Variants in PRKCE observed in about 807,000 individuals in gnomAD.
PRKCE encodes protein kinase C epsilon, also known as protein kinase C epsilon type.
In PRKCE, 16 loss-of-function variants were observed where a neutral mutation model predicts 85.4. The ratio of observed to expected loss-of-function variants is 0.19; its 90% CI spans 0.13 to 0.28. The LOEUF (loss-of-function observed/expected upper bound fraction) is 0.28, where lower values mean the gene tolerates loss of function less well. PRKCE is among the 10% of genes least tolerant of loss of function. The pLI, the probability that PRKCE is intolerant of heterozygous loss-of-function variation, is 1.00. For missense variants in PRKCE, 573 were observed against 975.2 expected (o/e 0.59, Z 5.49); for synonymous variants, 388 against 371.5 (o/e 1.04, Z -0.51).
At chr2:45,980,165 G>T (rs998279440) in intron 4 of PRKCE, 131 bp from the exon 5 acceptor site, 23 of 702,774 alleles carry the variant, frequency 3.3e-5, no homozygotes, top group South Asian at 1.3e-4. Context: ...TTTAGGGAGG[G>T]TATTAAATTA....
intron 2 of PRKCE, among the ~76,000 whole-genome samples, chr2:45,951,258 T>C (rs781083526): frequency 1.3e-5 from 2 of 152,176 alleles, no homozygotes; most frequent in Admixed American, 6.5e-5. Flanking sequence ...GTAGCCCAGA[T>C]TGGGAACCAC....
At chr2:46,099,664 A>G (rs59015766) in intron 11 of PRKCE, among the ~76,000 whole-genome samples, 3,406 of 152,006 alleles carry the variant, frequency 0.022, 141 homozygotes, top group African/African-American at 0.078. Context: ...CATTGCAACT[A>G]TTTCTTGGTT....
At chr2:46,006,205 G>A (rs1705184723) in intron 8 of PRKCE, among the ~76,000 whole-genome samples, 1 of 152,198 alleles carries the variant, frequency 6.6e-6, no homozygotes, top group Non-Finnish European at 1.5e-5. Flanking sequence ...TTCTTCCCTT[G>A]TAAAGACACA....
intron 1 of PRKCE, among the ~76,000 whole-genome samples, chr2:45,694,996 G>A (rs771634870): frequency 7.6e-4 from 116 of 152,158 alleles, no homozygotes; most frequent in Non-Finnish European, 8.8e-4. Flanking sequence ...GCTATAAAGA[G>A]CCAACTGCCT....
chr2:45,926,423 C>T (rs1003551096), intron 2 of PRKCE, among the ~76,000 whole-genome samples: 1 of 152,160 alleles, frequency 6.6e-6, no homozygotes, highest in African/African-American at 2.4e-5. Context: ...GTGAGTCCCC[C>T]CCATCCTCAG....
chr2:46,086,749 C>G lies in PRKCE; in HGVS notation c.1592+387C>G, dbSNP rs529622433. Among the ~76,000 whole-genome samples the G allele has an allele frequency of 2.0e-5, 3 of 152,278 alleles. No individual in the cohort carries two copies. In the South Asian group the frequency reaches 6.2e-4, roughly 32 times the overall value. ...ACTTCCTCCCCTTCCTAGTCTCTTGCCACTTCCTGAGTTTGTTTGGCTTAG... is the reference window on the plus strand; with the variant it reads ...ACTTCCTCCCCTTCCTAGTCTCTTGGCACTTCCTGAGTTTGTTTGGCTTAG... On this transcript the variant is annotated intron_variant, in intron 11 of 14. Transcript: ENST00000306156.
At chr2:46,180,626 T>C (rs967134158) in intron 14 of PRKCE, among the ~76,000 whole-genome samples, 2 of 152,220 alleles carry the variant, frequency 1.3e-5, no homozygotes, top group Non-Finnish European at 2.9e-5. Context: ...GCATGATGCA[T>C]GCCCATGGCA....
At chr2:46,093,955 G>A (rs12373805) in intron 11 of PRKCE, among the ~76,000 whole-genome samples, 113,916 of 152,046 alleles carry the variant, frequency 0.75, 43,395 homozygotes, top group East Asian at 0.89. Flanking sequence ...TTCCTTCCCA[G>A]TGCATTTTTT....
intron 10 of PRKCE, among the ~76,000 whole-genome samples, chr2:46,060,192 C>G (rs1363762872): frequency 6.6e-6 from 1 of 152,146 alleles, no homozygotes; most frequent in Non-Finnish European, 1.5e-5. Flanking sequence ...TTTGCCATAT[C>G]TTTTCTCTAG....
At chr2:45,849,783 C>T (rs1692097924) in intron 2 of PRKCE, among the ~76,000 whole-genome samples, 1 of 152,206 alleles carries the variant, frequency 6.6e-6, no homozygotes, top group Non-Finnish European at 1.5e-5. Context: ...CACGTTACCA[C>T]ACCCCACCCC....
chr2:46,095,471 C>T lies in PRKCE; in HGVS notation c.1592+9109C>T, dbSNP rs114979978. 9.5e-3 allele frequency among the ~76,000 whole-genome samples: 1,453 copies of T among 152,284 alleles called. 24 individuals carry two copies. Among genetic ancestry groups the T allele is most frequent in the African/African-American group, 0.033 (1,351 of 41,548 alleles). ...AAACCTCTAGGGACAGGGAAGGGGC[C>T]GTGCCAAGAAGAAAAGAGAATCTGG... On this transcript the variant is annotated intron_variant, in intron 11 of 14. Coordinates refer to ENST00000306156, the MANE Select transcript of PRKCE (RefSeq NM_005400.3).
At chr2:46,040,197 C>T (rs945040104) in intron 10 of PRKCE, among the ~76,000 whole-genome samples, 1 of 152,130 alleles carries the variant, frequency 6.6e-6, no homozygotes, top group Non-Finnish European at 1.5e-5. Flanking sequence ...GGGATGTTAA[C>T]TAAATTGAAC....
intron 1 of PRKCE, among the ~76,000 whole-genome samples, chr2:45,835,726 G>A (rs1001896217): frequency 2.0e-5 from 3 of 151,936 alleles, no homozygotes; most frequent in African/African-American, 7.3e-5. Flanking sequence ...AAGTACCTGG[G>A]ACTGTAGGCA....
intron 7 of PRKCE, among the ~76,000 whole-genome samples, chr2:46,002,007 C>G (rs1199133903): frequency 6.6e-6 from 1 of 152,206 alleles, no homozygotes; most frequent in Non-Finnish European, 1.5e-5. Context: ...CATACCAGCA[C>G]TGAGCTGCCT....
In PRKCE at chr2:45,907,501, T is replaced by A. The variant is rs1050280433; in HGVS notation, c.412+64438T>A. 6.6e-6 allele frequency among the ~76,000 whole-genome samples: 1 copy of A among 152,224 alleles called. No homozygotes were observed. The highest frequency in any genetic ancestry group is 6.5e-5 in the Admixed American group (1 of 15,284). On this transcript the variant is annotated intron_variant, in intron 2 of 14. Transcript: ENST00000306156. This position sits in a 1 kb window ranked among gnomAD's most constrained non-coding sequence, Gnocchi z 4.5. ...AGAGGTAACAATGGACGAAGCACAC[T>A]TCTGAGGGCGTCATCGCAGGCCCTG...
At chr2:45,868,319 C>CAAA (rs371501864) in intron 2 of PRKCE, among the ~76,000 whole-genome samples, 5,640 of 35,750 alleles carry the variant, frequency 0.16, 541 homozygotes, top group East Asian at 0.36. Context: ...CTTTCCTGTC[C>CAAA]AAAAAAAAAA....
At chr2:45,917,715 G>A (rs1697912918) in intron 2 of PRKCE, among the ~76,000 whole-genome samples, 1 of 152,240 alleles carries the variant, frequency 6.6e-6, no homozygotes, top group African/African-American at 2.4e-5. Flanking sequence ...GCGCCGTGGA[G>A]CAGGGGGCGG....
chr2:46,102,549 A>G (rs1671343776), intron 11 of PRKCE, among the ~76,000 whole-genome samples: 1 of 152,128 alleles, frequency 6.6e-6, no homozygotes, highest in Non-Finnish European at 1.5e-5. Flanking sequence ...CAATTTCCTA[A>G]GTTTTTACCT....
chr2:46,030,962 T>A (rs1707475334), intron 10 of PRKCE, among the ~76,000 whole-genome samples: 1 of 152,222 alleles, frequency 6.6e-6, no homozygotes, highest in Non-Finnish European at 1.5e-5. Flanking sequence ...GTATACATCA[T>A]TTGTTACCTG....
Sources: allele counts gnomAD v4.1 joint callset (sites outside exome capture counted in the v4.1 genomes callset), GRCh38; gene constraint gnomAD v4.1.1; non-coding constraint Gnocchi (gnomAD v3.1); transcripts MANE v1.5; gene names NCBI Gene and HGNC (gene_info 2026-07-23, HGNC 2026-07-21).